ZSCAN22: variants seen among roughly 807,000 people sequenced by gnomAD.
ZSCAN22 encodes zinc finger and SCAN domain containing 22.
In ZSCAN22, 7 loss-of-function variants were observed where a neutral mutation model predicts 12.4. The ratio of observed to expected loss-of-function variants is 0.57; its 90% confidence interval spans 0.32 to 1.06. The LOEUF is 1.06. ZSCAN22 is among the 50% of genes least tolerant of loss of function. The pLI, the probability that ZSCAN22 is intolerant of heterozygous loss-of-function variation, is 0.04. For synonymous variants in ZSCAN22, 243 were observed against 255.9 expected, an observed-to-expected ratio of 0.95 and a Z score of 0.48; for missense variants, 576 against 631.7, an observed-to-expected ratio of 0.91 and a Z score of 0.94.
chr19:58,334,687 C>G (rs918206684), intron 1 of ZSCAN22, 65 bp from the exon 2 acceptor site: 24 of 1,227,244 alleles, frequency 2.0e-5, no homozygotes, highest in Admixed American at 5.7e-5. Flanking sequence ...TGTGTTTTCC[C>G]TGCTCTGTAG....
In ZSCAN22 at chr19:58,338,535, AG is replaced by A. The variant is rs1375754369; in HGVS notation, c.686del (p.Ser229IlefsTer111). On this transcript the variant is annotated frameshift_variant, in exon 3 of 3. Coordinates refer to ENST00000329665, the MANE Select transcript of ZSCAN22 (RefSeq NM_181846.3). LOFTEE classifies it low-confidence loss of function (END_TRUNC). This position sits in a 1 kb window ranked among gnomAD's most constrained non-coding sequence, Gnocchi z 5.4. ...CCGTGAATCTGGTGCCTCGAGGAAC[AG>A]TTCTAGTGCGTGGCCAAACCTCACC... is the stretch of plus-strand genomic sequence containing the variant. ...RGRESGASRNSSSAWPNLTSQ... is the reference protein window; with the variant it reads ...RGRESGASRNXSSAWPNLTSQ... The A allele has an allele frequency of 6.2e-7, 1 of 1,614,230 alleles. No homozygotes were observed. The highest frequency in any genetic ancestry group is 8.5e-7 in the Non-Finnish European group (1 of 1,180,048).
At position 58,332,636 on chromosome 19, in the gene ZSCAN22, C is replaced by A. The variant is rs977380673; in HGVS notation, c.-51-2116C>A. On this transcript the variant is annotated intron_variant, in intron 1 of 2. Coordinates refer to ENST00000329665, the MANE Select transcript of ZSCAN22 (RefSeq NM_181846.3). ...GGTTCATCCATGTTGTAGCATTAAT[C>A]AGTACTTCATTTCTGTTTATGGTGA... Among the ~76,000 whole-genome samples, 2 of 152,122 alleles carry A rather than the reference C, an allele frequency of 1.3e-5. 1 individual carries two copies. The highest frequency in any genetic ancestry group is 1.3e-4 in the Admixed American group (2 of 15,274).
chr19:58,338,813 G>A lies in ZSCAN22; in HGVS notation c.963G>A (p.Ala321=), dbSNP rs139283341. 9.6e-4 allele frequency: 1,546 copies of A among 1,613,994 alleles called. 1 individual carries two copies. The highest frequency in any genetic ancestry group is 1.4e-3 in the Admixed American group (82 of 60,014). Residue 321 remains alanine (A), a synonymous_variant, in exon 3 of 3, where the codon GCG becomes GCA. Transcript: ENST00000329665. The surrounding 1 kb of genome is among the most constrained non-coding windows in gnomAD (Gnocchi z 5.4). ...LAQHQVVHTG[A]KPHECKECGK... The stretch of plus-strand genomic sequence containing the variant: ...AGCACCAGGTTGTCCACACAGGGGC[G>A]AAGCCCCATGAGTGTAAGGAATGTG...
At chr19:58,328,640 G>T (rs2051685064) in intron 1 of ZSCAN22, among the ~76,000 whole-genome samples, 1 of 152,192 alleles carries the variant, frequency 6.6e-6, no homozygotes, top group Non-Finnish European at 1.5e-5. Context: ...ACCTCAACCT[G>T]ATAGGAGTTG....
chr19:58,338,570 G>T lies in ZSCAN22; in HGVS notation c.720G>T (p.Glu240Asp), dbSNP rs1224000159. The change falls in exon 3 of 3, where the codon GAG (glutamate) becomes GAT (aspartate). Residue 240 changes from glutamate to aspartate, a missense_variant. Physicochemically the swap from Glu to Asp is conservative, Grantham distance 45 (BLOSUM62 2). Coordinates refer to ENST00000329665, the MANE Select transcript of ZSCAN22 (RefSeq NM_181846.3). This position sits in a 1 kb window ranked among gnomAD's most constrained non-coding sequence, Gnocchi z 5.4. ...SSAWPNLTSQ[E>D]KPPSEDKFDL... ...CGTGGCCAAACCTCACCTCCCAAGA[G>T]AAGCCTCCTTCAGAAGACAAATTTG... The T allele has an allele frequency of 3.1e-6, 5 of 1,614,248 alleles. No individual in the cohort carries two copies. The highest frequency in any genetic ancestry group is 4.2e-6 in the Non-Finnish European group (5 of 1,180,040).
In ZSCAN22 at chr19:58,339,086, G is replaced by A. The variant is rs149385342; in HGVS notation, c.1236G>A (p.Ala412=). The A allele has an allele frequency of 3.1e-5, 50 of 1,614,110 alleles. No individual in the cohort carries two copies. The highest frequency in any genetic ancestry group is 1.2e-4 in the African/African-American group (9 of 74,948). The change falls in exon 3 of 3, where the codon GCG becomes GCA. Residue 412 remains alanine, a synonymous_variant. Coordinates refer to ENST00000329665, the MANE Select transcript of ZSCAN22 (RefSeq NM_181846.3). The surrounding 1 kb of genome is among the most constrained non-coding windows in gnomAD (Gnocchi z 5.6). ...GGGAGAAGCCCTACAAGTGTGACGC[G>A]TGTGGCCGAGCCTTCAGCGACTGCT... ...HTGEKPYKCD[A]CGRAFSDCSA...
chr19:58,338,733 C>A lies in ZSCAN22; in HGVS notation c.883C>A (p.Pro295Thr). ...CCAGAAGACCCATTCTCGGAAGACC[C>A]CATATGCCTGCAGCGAGTGTGGGAA... is the stretch of plus-strand genomic sequence containing the variant. The part of the protein sequence containing the change: ...AHQKTHSRKT[P>T]YACSECGKAF... Residue 295 changes from proline to threonine, a missense_variant, in exon 3 of 3, where the codon CCA becomes ACA. Coordinates refer to ENST00000329665, the MANE Select transcript of ZSCAN22 (RefSeq NM_181846.3). The surrounding 1 kb of genome is among the most constrained non-coding windows in gnomAD (Gnocchi z 5.4). 6.2e-7 allele frequency: 1 copy of A among 1,614,224 alleles called. No homozygotes were observed. Among genetic ancestry groups the A allele is most frequent in the Non-Finnish European group, 8.5e-7 (1 of 1,180,032 alleles).
rs542512241 is a variant in ZSCAN22, at chr19:58,333,914, T to G, written c.-51-838T>G. ...AATTGTAACAGAAATTAGAAAATAT[T>G]TTTAACTAAATGATAATGAAGATAC... On this transcript the variant is annotated intron_variant, in intron 1 of 2. Coordinates refer to ENST00000329665, the MANE Select transcript of ZSCAN22 (RefSeq NM_181846.3). Among the ~76,000 whole-genome samples, 31 of 152,338 alleles carry G rather than the reference T, an allele frequency of 2.0e-4. No homozygotes were observed. The South Asian group carries it at 5.8e-3, about 28-fold the overall frequency.
intron 1 of ZSCAN22, 49 bp from the exon 2 acceptor site, chr19:58,334,703 A>C: frequency 7.5e-7 from 1 of 1,341,492 alleles, no homozygotes; most frequent in Non-Finnish European, 9.9e-7. Context: ...TGTAGGCATG[A>C]GGCAGGGCCC....
Position 58,338,438 on chromosome 19 carries a change from G to A in ZSCAN22, c.588G>A (p.Lys196=). The change falls in exon 3 of 3, where the codon AAG becomes AAA. Residue 196 remains lysine, a synonymous_variant. Transcript: ENST00000329665. This position sits in a 1 kb window ranked among gnomAD's most constrained non-coding sequence, Gnocchi z 5.4. ...GACTATCAGGGGAGATCTGGACAAA[G>A]TCTGTCACCCAACAGATCCACTTCA... is the stretch of plus-strand genomic sequence containing the variant. The part of the protein sequence containing the change: ...RSGLSGEIWT[K]SVTQQIHFKK... 6.2e-7 allele frequency: 1 copy of A among 1,614,190 alleles called. No individual in the cohort carries two copies. The highest frequency in any genetic ancestry group is 8.5e-7 in the Non-Finnish European group (1 of 1,180,020).
intron 1 of ZSCAN22, among the ~76,000 whole-genome samples, chr19:58,328,498 T>TATA (rs1268449499): frequency 3.3e-5 from 5 of 152,188 alleles, no homozygotes; most frequent in African/African-American, 1.2e-4. Flanking sequence ...GCTGGACACT[T>TATA]ATAATAAATC....
intron 1 of ZSCAN22, 184 bp from the exon 2 acceptor site, chr19:58,334,563 ACATGC>A: frequency 4.4e-6 from 2 of 459,478 alleles, no homozygotes; most frequent in African/African-American, 2.0e-5. Context: ...AAATGAGTCT[ACATGC>A]AAGCAGTAGT....
intron 1 of ZSCAN22, among the ~76,000 whole-genome samples, chr19:58,331,524 A>G (rs866981652): frequency 0.089 from 9,875 of 110,414 alleles, 553 homozygotes; most frequent in African/African-American, 0.19. Flanking sequence ...TGACGTTATT[A>G]TTATTATTAT....
chr19:58,336,548 C>A (rs903425506), intron 2 of ZSCAN22, among the ~76,000 whole-genome samples: 46 of 152,038 alleles, frequency 3.0e-4, no homozygotes, highest in African/African-American at 1.1e-3. Context: ...CAGGGCCAAG[C>A]AGATGGCTGG....
intron 1 of ZSCAN22, among the ~76,000 whole-genome samples, chr19:58,334,115 A>G (rs761712068): frequency 6.6e-6 from 1 of 152,206 alleles, no homozygotes; most frequent in African/African-American, 2.4e-5. Context: ...TGGGGAACAG[A>G]GGGAGAAAGA....
chr19:58,329,054 G>T lies in ZSCAN22; in HGVS notation c.-52+1940G>T, dbSNP rs1477317833. Among the ~76,000 whole-genome samples, 1 of 152,108 alleles carries T rather than the reference G, an allele frequency of 6.6e-6. No individual in the cohort carries two copies. The highest frequency in any genetic ancestry group is 1.9e-4 in the East Asian group (1 of 5,188). ...TGAGGAAAGTGGCAGCTAAGATGAG[G>T]CCTAGAGAGCCCAGAGGAATCCGTC... On this transcript the variant is annotated intron_variant, in intron 1 of 2. Coordinates refer to ENST00000329665, the MANE Select transcript of ZSCAN22 (RefSeq NM_181846.3). This position sits in a 1 kb window ranked among gnomAD's most constrained non-coding sequence, Gnocchi z 4.1.
At position 58,341,816 on chromosome 19, in the gene ZSCAN22, A is replaced by T. The variant is rs150050960; in HGVS notation, c.*2490A>T. 1.3e-5 allele frequency: 2 copies of T among 151,130 alleles called. No homozygotes were observed. Among genetic ancestry groups the T allele is most frequent in the Admixed American group, 6.6e-5 (1 of 15,152 alleles). 9.4% of individuals were successfully genotyped at this position (151,130 alleles called of 1,614,324 possible). On this transcript the variant is annotated 3_prime_UTR_variant, in exon 3 of 3. Coordinates refer to ENST00000329665, the MANE Select transcript of ZSCAN22 (RefSeq NM_181846.3). ...GCCTGAATTCAGGCTGCAGAGCCTG[A>T]CTCCTCCCTGTGGCTACTTTTGGGA...
rs2051698891 is a variant in ZSCAN22, at chr19:58,329,616, T to C, written c.-52+2502T>C. 6.6e-6 allele frequency among the ~76,000 whole-genome samples: 1 copy of C among 152,294 alleles called. No individual in the cohort carries two copies. Among genetic ancestry groups the C allele is most frequent in the East Asian group, 1.9e-4 (1 of 5,190 alleles). On this transcript the variant is annotated intron_variant, in intron 1 of 2. Coordinates refer to ENST00000329665, the MANE Select transcript of ZSCAN22 (RefSeq NM_181846.3). The surrounding 1 kb of genome is among the most constrained non-coding windows in gnomAD (Gnocchi z 4.1). ...AGTCACCCCTCATCTTCAGTTTTGG[T>C]GAATATAGTACAATAAAATATTTTG...
At chr19:58,331,365 C>T (rs763224309) in intron 1 of ZSCAN22, among the ~76,000 whole-genome samples, 8 of 150,374 alleles carry the variant, frequency 5.3e-5, no homozygotes, top group Non-Finnish European at 7.4e-5. Context: ...TACAGGCCCC[C>T]GCTGCCACGC....
Sources: allele counts gnomAD v4.1 joint callset (sites outside exome capture counted in the v4.1 genomes callset), GRCh38; gene constraint gnomAD v4.1.1; non-coding constraint Gnocchi (gnomAD v3.1); transcripts MANE v1.5; gene names NCBI Gene and HGNC (gene_info 2026-07-23, HGNC 2026-07-21).